The following CSMD1 variants were observed in gnomAD, a reference collection of about 807,000 sequenced individuals.
CSMD1 encodes the protein CUB and sushi domain-containing protein 1.
A neutral mutation model predicts 417.5 loss-of-function variants in CSMD1; 213 were observed. That is an observed-to-expected ratio of 0.51 (90% CI 0.46 to 0.57). CSMD1 has a LOEUF of 0.57. Ranked by LOEUF, CSMD1 falls within the 20% of genes least tolerant of loss-of-function variation. The probability of loss-of-function intolerance (pLI) is 0.00; values close to 1 mark genes in which losing one functional copy is unlikely to be tolerated. For missense variants in CSMD1, 6,923 were observed against 4,529.7 expected (o/e 1.53, Z -15.17); for synonymous variants, 2,862 against 1,736.8 (o/e 1.65, Z -16.11).
intron 11 of CSMD1, among the ~76,000 whole-genome samples, chr8:3,486,095 G>T (rs1818015797): frequency 6.6e-6 from 1 of 152,064 alleles, no homozygotes; most frequent in Non-Finnish European, 1.5e-5. Context: ...CAATACTGGT[G>T]CATTAAATGA....
chr8:3,315,944 G>C (rs62504448), intron 23 of CSMD1, among the ~76,000 whole-genome samples: 12,593 of 152,170 alleles, frequency 0.083, 658 homozygotes, highest in Non-Finnish European at 0.12. Flanking sequence ...CTTGTGCAGA[G>C]CTTCCAGCAG....
At chr8:4,992,177 G>C (rs1389195065) in intron 1 of CSMD1, among the ~76,000 whole-genome samples, 1 of 152,068 alleles carries the variant, frequency 6.6e-6, no homozygotes, top group African/African-American at 2.4e-5. Flanking sequence ...GTTCGCCCCA[G>C]AATCATCCAG....
At chr8:4,159,327 T>G (rs1223578317) in intron 3 of CSMD1, among the ~76,000 whole-genome samples, 1 of 152,196 alleles carries the variant, frequency 6.6e-6, no homozygotes, top group African/African-American at 2.4e-5. Context: ...ATGTCCATTA[T>G]TAGTACTCAA....
intron 1 of CSMD1, among the ~76,000 whole-genome samples, chr8:4,912,135 A>AAAG (rs1554518066): frequency 8.6e-6 from 1 of 115,612 alleles, no homozygotes; most frequent in South Asian, 2.9e-4. Flanking sequence ...AAAAAAAAAA[A>AAAG]AAAAAAGAAA....
intron 2 of CSMD1, among the ~76,000 whole-genome samples, chr8:4,569,071 TG>T (rs1460738215): frequency 2.0e-5 from 3 of 149,982 alleles, no homozygotes; most frequent in African/African-American, 7.3e-5. Flanking sequence ...GTAGGTTGCC[TG>T]TTCACTGTTC....
intron 27 of CSMD1, 53 bp from the exon 28 acceptor site, chr8:3,223,920 G>A: frequency 6.3e-7 from 1 of 1,585,962 alleles, no homozygotes; most frequent in Non-Finnish European, 8.6e-7. Flanking sequence ...AAGAACGCCT[G>A]CCAGTCAGTG....
intron 1 of CSMD1, among the ~76,000 whole-genome samples, chr8:4,804,689 A>C (rs967339659): frequency 2.6e-5 from 4 of 152,180 alleles, no homozygotes; most frequent in African/African-American, 9.7e-5. Flanking sequence ...ATATAAAACC[A>C]ATATTATGTT....
At chr8:4,348,069 A>C (rs761878108) in intron 3 of CSMD1, among the ~76,000 whole-genome samples, 33 of 152,314 alleles carry the variant, frequency 2.2e-4, no homozygotes, top group Non-Finnish European at 3.8e-4. Flanking sequence ...TACACCAGGC[A>C]AAAACAAACC....
chr8:4,884,361 C>T (rs867523852), intron 1 of CSMD1, among the ~76,000 whole-genome samples: 7 of 152,080 alleles, frequency 4.6e-5, no homozygotes, highest in Middle Eastern at 3.4e-3. Flanking sequence ...CTTTGAGGTA[C>T]AACGTTTAGA....
intron 26 of CSMD1, among the ~76,000 whole-genome samples, chr8:3,272,030 C>A (rs1214452523): frequency 6.6e-6 from 1 of 151,528 alleles, no homozygotes; most frequent in African/African-American, 2.4e-5. Flanking sequence ...AATGGTAATG[C>A]CTAGGTTTTC....
intron 1 of CSMD1, among the ~76,000 whole-genome samples, chr8:4,679,964 A>T (rs955691955): frequency 6.6e-6 from 1 of 152,234 alleles, no homozygotes; most frequent in Non-Finnish European, 1.5e-5. Context: ...ATTTAGAACC[A>T]TATTTCTAGA....
intron 1 of CSMD1, among the ~76,000 whole-genome samples, chr8:4,863,943 TAA>T (rs1318893907): frequency 1.3e-5 from 1 of 78,676 alleles, no homozygotes; most frequent in African/African-American, 5.2e-5. Context: ...AAATAAATCC[TAA>T]AATAAATGTC....
chr8:4,534,228 C>T (rs896911369), intron 2 of CSMD1, among the ~76,000 whole-genome samples: 1 of 152,146 alleles, frequency 6.6e-6, no homozygotes, highest in Non-Finnish European at 1.5e-5. Context: ...GAAAGAAATA[C>T]CTTCTGCGTG....
intron 5 of CSMD1, among the ~76,000 whole-genome samples, chr8:3,763,051 C>T (rs7001432): frequency 0.061 from 9,279 of 152,122 alleles, 357 homozygotes; most frequent in African/African-American, 0.097. Context: ...GTCATTTTTG[C>T]GAGATTGAAG....
intron 17 of CSMD1, among the ~76,000 whole-genome samples, chr8:3,393,263 C>A (rs147184705): frequency 6.6e-6 from 1 of 152,172 alleles, no homozygotes; most frequent in African/African-American, 2.4e-5. Flanking sequence ...AAGTTCCAAA[C>A]GCAACAATTT....
intron 25 of CSMD1, among the ~76,000 whole-genome samples, chr8:3,293,855 G>T (rs569108926): frequency 2.0e-5 from 3 of 152,300 alleles, no homozygotes; most frequent in Non-Finnish European, 4.4e-5. Context: ...ATCCAGCTTT[G>T]TTCCATTGCT....
intron 20 of CSMD1, among the ~76,000 whole-genome samples, chr8:3,363,952 G>A (rs150279656): frequency 2.1e-3 from 317 of 152,150 alleles, no homozygotes; most frequent in Non-Finnish European, 3.7e-3. Context: ...CAATATTACC[G>A]TTAACATCTG....
chr8:3,503,524 A>C (rs1499696), intron 10 of CSMD1, among the ~76,000 whole-genome samples: 2 of 152,090 alleles, frequency 1.3e-5, no homozygotes, highest in East Asian at 1.9e-4. Context: ...TTTCATGCTA[A>C]AATCTCCCAG....
At chr8:4,879,442 G>C (rs538769694) in intron 1 of CSMD1, among the ~76,000 whole-genome samples, 66 of 152,156 alleles carry the variant, frequency 4.3e-4, no homozygotes, top group African/African-American at 1.5e-3. Flanking sequence ...GAAGTTTAGG[G>C]GATCGGGAAG....
Sources: allele counts gnomAD v4.1 joint callset (sites outside exome capture counted in the v4.1 genomes callset), GRCh38; gene constraint gnomAD v4.1.1; transcripts MANE v1.5; gene names NCBI Gene and HGNC (gene_info 2026-07-23, HGNC 2026-07-21).